ABCC9: variants seen among roughly 807,000 people sequenced by gnomAD.
ABCC9 encodes the protein ATP binding cassette subfamily C member 9.
A neutral mutation model predicts 188.3 loss-of-function variants in ABCC9; 95 were observed. The ratio of observed to expected loss-of-function variants is 0.50; its 90% confidence interval spans 0.43 to 0.60. The LOEUF (loss-of-function observed/expected upper bound fraction) is 0.60. Ranked by LOEUF, ABCC9 falls within the 20% of genes least tolerant of loss-of-function variation. ABCC9 has a pLI of 0.00. For missense variants in ABCC9, 1,102 were observed against 1,876.3 expected, an observed-to-expected ratio of 0.59 and a Z score of 7.62; for synonymous variants, 659 against 652.7, an observed-to-expected ratio of 1.01 and a Z score of -0.15.
chr12:21,812,548 A>G (rs1942318466), intron 35 of ABCC9, among the ~76,000 whole-genome samples: 1 of 152,214 alleles, frequency 6.6e-6, no homozygotes, highest in Non-Finnish European at 1.5e-5. Context: ...TGTCCTTTGC[A>G]GGGAAATGGA....
At chr12:21,882,927 T>A in intron 15 of ABCC9, 54 bp from the exon 16 acceptor site, 2 of 1,420,726 alleles carry the variant, frequency 1.4e-6, no homozygotes, top group Non-Finnish European at 2.0e-6. Context: ...AAAAATGAAG[T>A]TTTACTGAAC....
chr12:21,871,909 A>G (rs1460322314), intron 18 of ABCC9, among the ~76,000 whole-genome samples: 1 of 152,216 alleles, frequency 6.6e-6, no homozygotes, highest in Non-Finnish European at 1.5e-5. Flanking sequence ...TCCATAAACT[A>G]CTTACGAGGA....
chr12:21,805,098 G>A lies in ABCC9; in HGVS notation c.4512+900C>T, dbSNP rs1052098424. 3.8e-6 allele frequency: 6 copies of A among 1,595,990 alleles called. No individual in the cohort carries two copies. The African/African-American group carries it at 4.0e-5, about 11-fold the overall frequency. On this transcript the variant is annotated intron_variant, in intron 39 of 39. Transcript: ENST00000261200. ...GCCCTTCCCTTTATTCACAGCATTA[G>A]CCATGCCTTACTGAGAGGATACTGC...
intron 5 of ABCC9, 77 bp downstream of exon 5, chr12:21,925,865 G>A: frequency 6.7e-7 from 1 of 1,488,718 alleles, no homozygotes; most frequent in South Asian, 1.1e-5. Flanking sequence ...TTTACCCTGA[G>A]GAAAAAGAAA....
intron 35 of ABCC9, 138 bp downstream of exon 35, chr12:21,814,506 G>A: frequency 1.4e-6 from 1 of 728,868 alleles, no homozygotes; most frequent in Non-Finnish European, 2.4e-6. Context: ...GTTTATTTGG[G>A]ATATCTGCCT....
chr12:21,903,674 T>A (rs1007564883), intron 12 of ABCC9, among the ~76,000 whole-genome samples: 25 of 152,290 alleles, frequency 1.6e-4, no homozygotes, highest in Admixed American at 3.9e-4. Context: ...TGAACTCCCA[T>A]TCACAATTGC....
intron 15 of ABCC9, among the ~76,000 whole-genome samples, chr12:21,885,783 AAAAAC>A (rs988844857): frequency 6.6e-6 from 1 of 152,198 alleles, no homozygotes; most frequent in Non-Finnish European, 1.5e-5. Flanking sequence ...CAGAAAGTGA[AAAAAC>A]AAAAACAAAA....
intron 31 of ABCC9, among the ~76,000 whole-genome samples, chr12:21,826,174 T>TA (rs1943367650): frequency 6.6e-6 from 1 of 152,186 alleles, no homozygotes; most frequent in Non-Finnish European, 1.5e-5. Flanking sequence ...TATGTGAACT[T>TA]ACTGAGTAAT....
rs1060504811 is a variant in ABCC9 at position 21,806,013 on chromosome 12, G to A, written c.4497C>T (p.Thr1499=). 10 of 1,613,458 alleles carry A rather than the reference G, an allele frequency of 6.2e-6. No individual in the cohort carries two copies. The highest frequency in any genetic ancestry group is 3.3e-5 in the Admixed American group (2 of 59,954). The change falls in exon 39 of 40, where the codon ACC becomes ACT. Residue 1499 remains threonine, a synonymous_variant. Transcript: ENST00000261200. ...KVVMTAFADR[T]VVTIAHRVHT... ...TCATACTTACAGCTATTGTCACCAC[G>A]GTCCGGTCTGCAAAGGCTGTCATTA...
chr12:21,918,120 T>C (rs927940529), intron 5 of ABCC9, among the ~76,000 whole-genome samples: 1 of 151,936 alleles, frequency 6.6e-6, no homozygotes, highest in East Asian at 1.9e-4. Flanking sequence ...GGGAAAGATA[T>C]ACAATGAAAA....
chr12:21,851,405 A>C (rs752288323), intron 24 of ABCC9, among the ~76,000 whole-genome samples: 3 of 152,126 alleles, frequency 2.0e-5, no homozygotes, highest in Non-Finnish European at 4.4e-5. Flanking sequence ...GGTACCACTT[A>C]TTATATATGC....
intron 2 of ABCC9, among the ~76,000 whole-genome samples, chr12:21,939,126 A>G (rs1193933364): frequency 6.6e-6 from 1 of 152,192 alleles, no homozygotes. Context: ...AAATGATGCA[A>G]TCAAACAAAA....
At chr12:21,815,974 C>A in intron 33 of ABCC9, 81 bp from the exon 34 acceptor site, 14 of 869,892 alleles carry the variant, frequency 1.6e-5, no homozygotes, top group East Asian at 6.0e-5. Context: ...TACTTAAATA[C>A]ATTTATACAT....
chr12:21,905,070 C>T (rs994957407), intron 12 of ABCC9, among the ~76,000 whole-genome samples: 43 of 152,118 alleles, frequency 2.8e-4, no homozygotes, highest in African/African-American at 9.9e-4. Context: ...AAATGTGGCA[C>T]ATATATACCA....
At chr12:21,814,754 G>C (rs768375703) in intron 34 of ABCC9, 32 bp from the exon 35 acceptor site, 1 of 1,588,146 alleles carries the variant, frequency 6.3e-7, no homozygotes, top group African/African-American at 1.3e-5. Flanking sequence ...AAAGAGAAGA[G>C]GACTCAGAAA....
chr12:21,841,463 A>G (rs566415294), intron 29 of ABCC9, among the ~76,000 whole-genome samples: 1 of 144,904 alleles, frequency 6.9e-6, no homozygotes, highest in African/African-American at 2.6e-5. Flanking sequence ...GGTTCAAGCG[A>G]TTCTACTGCC....
intron 16 of ABCC9, among the ~76,000 whole-genome samples, chr12:21,879,625 T>C (rs1186707074): frequency 6.9e-6 from 1 of 145,474 alleles, no homozygotes; most frequent in Non-Finnish European, 1.5e-5. Flanking sequence ...ATGAAAAGAA[T>C]TTTTTTTTTT....
chr12:21,865,446 T>C (rs1198342640), intron 18 of ABCC9, among the ~76,000 whole-genome samples: 1 of 152,134 alleles, frequency 6.6e-6, no homozygotes, highest in East Asian at 1.9e-4. Flanking sequence ...TGATAAAAAA[T>C]AGGGAAATGA....
At chr12:21,855,787 A>G (rs1945197892) in intron 22 of ABCC9, among the ~76,000 whole-genome samples, 1 of 152,202 alleles carries the variant, frequency 6.6e-6, no homozygotes, top group Non-Finnish European at 1.5e-5. Flanking sequence ...TTATAAATAA[A>G]GCCATGGTGG....
Sources: allele counts gnomAD v4.1 joint callset (sites outside exome capture counted in the v4.1 genomes callset), GRCh38; gene constraint gnomAD v4.1.1; transcripts MANE v1.5; gene names NCBI Gene and HGNC (gene_info 2026-07-23, HGNC 2026-07-21).